ACTG2: variants seen among roughly 807,000 people sequenced by gnomAD.
ACTG2 encodes actin, gamma-enteric smooth muscle.
Under a neutral mutation model 37.6 loss-of-function variants are expected in ACTG2, and 16 were observed. That is an observed-to-expected ratio of 0.43 (90% CI 0.29 to 0.65). The LOEUF (loss-of-function observed/expected upper bound fraction) is 0.65. ACTG2 is among the 30% of genes least tolerant of loss of function. The pLI, the probability that ACTG2 is intolerant of heterozygous loss-of-function variation, is 0.18. For synonymous variants in ACTG2, 181 were observed against 179.9 expected, an observed-to-expected ratio of 1.01 and a Z score of -0.05; for missense variants, 238 against 490.9, an observed-to-expected ratio of 0.48 and a Z score of 4.87.
At chr2:73,913,339 T>C (rs1680184011) in intron 5 of ACTG2, 146 bp from the exon 6 acceptor site, 2 of 784,516 alleles carry the variant, frequency 2.5e-6, no homozygotes, top group South Asian at 4.2e-5. Flanking sequence ...AAATAAAAAA[T>C]ATGATTGATG....
At position 73,916,756 on chromosome 2, in the gene ACTG2, G is replaced by A; in HGVS notation, c.978G>A (p.Met326Ile). ...KEITALAPST[M>I]KIKIIAPPER... ...TCACAGCCCTGGCCCCCAGCACCAT[G>A]AAGATCAAGGTGGGTCTTGCCTCAG... The change falls in exon 8 of 9, where the codon ATG (methionine) becomes ATA (isoleucine). Residue 326 changes from methionine to isoleucine, a missense_variant. Physicochemically the swap from Met to Ile is conservative, Grantham distance 10. Transcript: ENST00000345517. 1 of 1,613,686 alleles carries A rather than the reference G, an allele frequency of 6.2e-7. No homozygotes were observed. Among genetic ancestry groups the A allele is most frequent in the Non-Finnish European group, 8.5e-7 (1 of 1,179,812 alleles).
chr2:73,912,276 G>C (rs1162775772), intron 5 of ACTG2, among the ~76,000 whole-genome samples: 2 of 152,170 alleles, frequency 1.3e-5, no homozygotes, highest in Non-Finnish European at 2.9e-5. Flanking sequence ...TCCTGCCTCA[G>C]TCTCCCGAAT....
At chr2:73,911,340 CA>C (rs1271148089) in intron 5 of ACTG2, among the ~76,000 whole-genome samples, 1 of 151,944 alleles carries the variant, frequency 6.6e-6, no homozygotes, top group Non-Finnish European at 1.5e-5. Flanking sequence ...ACAAAAAATA[CA>C]AAAAGTTAGC....
chr2:73,917,713 G>A (rs868855299), intron 8 of ACTG2, among the ~76,000 whole-genome samples: 1 of 152,164 alleles, frequency 6.6e-6, no homozygotes. Context: ...AGGCTGCCCC[G>A]GGCCTTCCCC....
At chr2:73,904,021 A>G (rs1016404946) in intron 3 of ACTG2, among the ~76,000 whole-genome samples, 3 of 151,444 alleles carry the variant, frequency 2.0e-5, no homozygotes, top group Non-Finnish European at 2.9e-5. Flanking sequence ...CACTTTGGGA[A>G]GCCAAGGCAG....
intron 3 of ACTG2, among the ~76,000 whole-genome samples, chr2:73,905,141 A>G (rs905663648): frequency 2.6e-5 from 4 of 152,120 alleles, no homozygotes; most frequent in African/African-American, 9.7e-5. Context: ...GGGACAACTG[A>G]TTAGTTATTT....
chr2:73,896,786 C>A, intron 1 of ACTG2: 1 of 152,200 alleles, frequency 6.6e-6, no homozygotes, highest in East Asian at 1.9e-4. Flanking sequence ...TCAGTGAGAG[C>A]TTCAATGAAG....
At chr2:73,916,798 C>A (rs763535420) in intron 8 of ACTG2, 33 bp downstream of exon 8, 1 of 1,603,702 alleles carries the variant, frequency 6.2e-7, no homozygotes, top group East Asian at 2.2e-5. Context: ...CCATCCTGTT[C>A]TTTGTATAAA....
chr2:73,895,469 C>A (rs548707804), intron 1 of ACTG2, among the ~76,000 whole-genome samples: 2 of 152,288 alleles, frequency 1.3e-5, no homozygotes, highest in Middle Eastern at 3.4e-3. Context: ...TAGACAATTT[C>A]TCTCTGCCAG....
chr2:73,910,739 C>T (rs1680115506), intron 5 of ACTG2, among the ~76,000 whole-genome samples: 1 of 151,722 alleles, frequency 6.6e-6, no homozygotes, highest in Non-Finnish European at 1.5e-5. Context: ...CCAGGGCTGA[C>T]CATTCTCCTC....
chr2:73,904,659 AT>A (rs34523114), intron 3 of ACTG2, among the ~76,000 whole-genome samples: 83,295 of 148,814 alleles, frequency 0.56, 23,788 homozygotes, highest in Admixed American at 0.66. Context: ...CCCTATATAT[AT>A]TTTTTTTTAA....
chr2:73,901,245 T>G, intron 1 of ACTG2, 31 bp from the exon 2 acceptor site: 1 of 1,458,478 alleles, frequency 6.9e-7, no homozygotes, highest in Non-Finnish European at 9.2e-7. Flanking sequence ...GACAAGTGGC[T>G]GACTAGTTCT....
At chr2:73,911,672 A>C (rs1680142544) in intron 5 of ACTG2, among the ~76,000 whole-genome samples, 1 of 152,184 alleles carries the variant, frequency 6.6e-6, no homozygotes, top group Non-Finnish European at 1.5e-5. Flanking sequence ...TTGCCCTATG[A>C]CGTGATGTCA....
chr2:73,908,589 A>T, intron 3 of ACTG2, 84 bp from the exon 4 acceptor site: 2 of 1,173,134 alleles, frequency 1.7e-6, no homozygotes, highest in Non-Finnish European at 2.4e-6. Context: ...ACATGGTGCC[A>T]CACTCTCCCA....
At chr2:73,898,659 C>T (rs1391092191) in intron 1 of ACTG2, among the ~76,000 whole-genome samples, 2 of 152,046 alleles carry the variant, frequency 1.3e-5, no homozygotes, top group South Asian at 2.1e-4. Context: ...GCAAGGGTGG[C>T]CCCAAGAACC....
intron 2 of ACTG2, 94 bp downstream of exon 2, chr2:73,901,531 A>ATT: frequency 8.3e-7 from 1 of 1,202,126 alleles, no homozygotes; most frequent in Non-Finnish European, 1.1e-6. Context: ...AGGGGAAGGA[A>ATT]ATGTGTGTGT....
At chr2:73,903,939 C>CAAAAAAAAAA (rs61362643) in intron 3 of ACTG2, among the ~76,000 whole-genome samples, 48 of 89,994 alleles carry the variant, frequency 5.3e-4, no homozygotes, top group Admixed American at 1.0e-3. Context: ...GACTCCGTCT[C>CAAAAAAAAAA]AAAAAAAAAA....
chr2:73,899,483 C>T (rs575389253), intron 1 of ACTG2, among the ~76,000 whole-genome samples: 156 of 152,024 alleles, frequency 1.0e-3, no homozygotes, highest in Non-Finnish European at 1.6e-3. Context: ...ATATATATAT[C>T]TTCTGATTCA....
intron 1 of ACTG2, among the ~76,000 whole-genome samples, chr2:73,896,034 C>G (rs1423171404): frequency 1.3e-5 from 2 of 152,004 alleles, no homozygotes; most frequent in African/African-American, 4.8e-5. Context: ...GCTTTTTTCT[C>G]AACCGTTTGA....
Sources: allele counts gnomAD v4.1 joint callset (sites outside exome capture counted in the v4.1 genomes callset), GRCh38; gene constraint gnomAD v4.1.1; transcripts MANE v1.5; gene names NCBI Gene and HGNC (gene_info 2026-07-23, HGNC 2026-07-21).